CSMD1: variants seen among roughly 807,000 people sequenced by gnomAD.
The protein encoded by CSMD1 is CUB and Sushi multiple domains 1.
CSMD1 carries 213 observed loss-of-function variants against 417.5 expected under a neutral mutation model. That is an observed-to-expected ratio of 0.51 (90% CI 0.46 to 0.57). CSMD1 has a LOEUF of 0.57. Ranked by LOEUF, CSMD1 falls within the 20% of genes least tolerant of loss-of-function variation. CSMD1 has a pLI of 0.00. For synonymous variants in CSMD1, 2,862 were observed against 1,736.8 expected (o/e 1.65, Z -16.11); for missense variants, 6,923 against 4,529.7 (o/e 1.53, Z -15.17).
intron 5 of CSMD1, among the ~76,000 whole-genome samples, chr8:3,914,646 C>T (rs1026301934): frequency 6.6e-6 from 1 of 152,142 alleles, no homozygotes; most frequent in Non-Finnish European, 1.5e-5. Context: ...CTCAGATCTC[C>T]ACCTAGTCCA....
chr8:4,491,919 A>T (rs1377055268), intron 2 of CSMD1, among the ~76,000 whole-genome samples: 1 of 152,224 alleles, frequency 6.6e-6, no homozygotes, highest in Non-Finnish European at 1.5e-5. Context: ...ATCTTTACAA[A>T]ATATTTATAG....
intron 3 of CSMD1, among the ~76,000 whole-genome samples, chr8:4,385,591 G>C (rs1263483145): frequency 6.6e-6 from 1 of 152,138 alleles, no homozygotes; most frequent in African/African-American, 2.4e-5. Flanking sequence ...GAGTAAGAAT[G>C]TTATTAATTG....
intron 9 of CSMD1, among the ~76,000 whole-genome samples, chr8:3,577,892 A>G (rs965580030): frequency 2.6e-5 from 4 of 152,164 alleles, no homozygotes; most frequent in Non-Finnish European, 5.9e-5. Flanking sequence ...AATGGCAACT[A>G]CCGTAAGTTC....
At chr8:3,673,629 C>T (rs754401319) in intron 7 of CSMD1, among the ~76,000 whole-genome samples, 2 of 152,192 alleles carry the variant, frequency 1.3e-5, no homozygotes, top group African/African-American at 2.4e-5. Flanking sequence ...TTTGACCTAA[C>T]GGGTGCGGGC....
At chr8:4,628,190 G>C (rs1802234260) in intron 2 of CSMD1, among the ~76,000 whole-genome samples, 1 of 151,058 alleles carries the variant, frequency 6.6e-6, no homozygotes, top group Non-Finnish European at 1.5e-5. Context: ...TTTTCTTGCA[G>C]TTCTATGTTA....
intron 2 of CSMD1, among the ~76,000 whole-genome samples, chr8:4,494,635 C>T (rs1725130): frequency 0.28 from 43,285 of 151,934 alleles, 7,110 homozygotes; most frequent in African/African-American, 0.44. Flanking sequence ...AAGTTCGCTT[C>T]ATCCACATTT....
At chr8:4,430,711 A>G (rs536854100) in intron 2 of CSMD1, among the ~76,000 whole-genome samples, 5 of 152,130 alleles carry the variant, frequency 3.3e-5, no homozygotes, top group African/African-American at 9.7e-5. Context: ...CAAAAAATCT[A>G]AAGAGATTTT....
In CSMD1 at chr8:3,692,596, C is replaced by T. The variant is rs186991708; in HGVS notation, c.1009+15818G>A. ...ATAACAGGCATGTCACCACACACAG[C>T]TAATTTTTGTATTTTTCGTAGAGGT... On this transcript the variant is annotated intron_variant, in intron 7 of 69. Coordinates refer to ENST00000635120, the MANE Select transcript of CSMD1 (RefSeq NM_033225.6). Among the ~76,000 whole-genome samples the T allele has an allele frequency of 9.8e-4, 149 of 152,154 alleles. 1 individual carries two copies. The highest frequency in any genetic ancestry group is 3.5e-3 in the African/African-American group (146 of 41,496).
At chr8:4,495,053 T>A (rs962732930) in intron 2 of CSMD1, among the ~76,000 whole-genome samples, 1 of 152,034 alleles carries the variant, frequency 6.6e-6, no homozygotes, top group African/African-American at 2.4e-5. Context: ...AGAAAAGCAC[T>A]AGGGACAGGG....
intron 12 of CSMD1, among the ~76,000 whole-genome samples, chr8:3,453,908 A>G (rs7005967): frequency 0.072 from 10,907 of 152,102 alleles, 936 homozygotes; most frequent in East Asian, 0.2. Context: ...TGTTGACAGT[A>G]GGGTGTTAAA....
At chr8:3,394,646 G>A (rs972375999) in intron 17 of CSMD1, among the ~76,000 whole-genome samples, 1 of 151,982 alleles carries the variant, frequency 6.6e-6, no homozygotes, top group African/African-American at 2.4e-5. Context: ...GAGGGGTGTG[G>A]GAGAGGATGA....
In CSMD1 at chr8:3,998,092, C is replaced by A. The variant is rs1162758304; in HGVS notation, c.629G>T (p.Gly210Val). The change falls in exon 5 of 70, where the codon GGA (glycine) becomes GTA (valine). Residue 210 changes from glycine to valine, a missense_variant. Physicochemically the swap from Gly to Val is moderately radical, Grantham distance 109. Coordinates refer to ENST00000635120, the MANE Select transcript of CSMD1 (RefSeq NM_033225.6). Reference sequence around the variant, plus strand: ...GGAGCTGCTGGTCCCGCGTAAGGTTCCTCCGCAGGCTCCCTCAGCTGCAGG... The same window carrying A: ...GGAGCTGCTGGTCCCGCGTAAGGTTACTCCGCAGGCTCCCTCAGCTGCAGG... ...PFCRAEGACG[G>V]TLRGTSSSIS... The A allele has an allele frequency of 1.3e-6, 2 of 1,574,770 alleles. No individual in the cohort carries two copies. The highest frequency in any genetic ancestry group is 1.4e-5 in the African/African-American group (1 of 74,062).
At chr8:4,402,820 T>TTTTTTTTTTTTTTTTTTG (rs1804738045) in intron 3 of CSMD1, among the ~76,000 whole-genome samples, 1 of 64,426 alleles carries the variant, frequency 1.6e-5, no homozygotes, top group Non-Finnish European at 3.1e-5. Context: ...TTTTTTTTTT[T>TTTTTTTTTTTTTTTTTTG]CTTTTTTTTT....
chr8:4,646,092 C>G (rs1803500345), intron 1 of CSMD1, among the ~76,000 whole-genome samples: 1 of 152,216 alleles, frequency 6.6e-6, no homozygotes, highest in African/African-American at 2.4e-5. Flanking sequence ...TGAGTCTTCG[C>G]TTCAGAGACT....
intron 11 of CSMD1, among the ~76,000 whole-genome samples, chr8:3,490,496 C>A (rs568217215): frequency 6.6e-6 from 1 of 152,280 alleles, no homozygotes; most frequent in East Asian, 1.9e-4. Context: ...GTGACATCCT[C>A]TCTTAAATTA....
rs918912394 is a variant in CSMD1, at chr8:4,655,185, A to G, written c.86-17627T>C. Among the ~76,000 whole-genome samples, 57 of 152,096 alleles carry G rather than the reference A, an allele frequency of 3.7e-4. 1 individual carries two copies. The highest frequency in any genetic ancestry group is 1.4e-3 in the African/African-American group (57 of 41,338). On this transcript the variant is annotated intron_variant, in intron 1 of 69. Transcript: ENST00000635120. ...CCAAAATGTTATTCCTTAAATACAGATAATTACCTTTTTCATGAACTTCGT... is the reference window on the plus strand; with the variant it reads ...CCAAAATGTTATTCCTTAAATACAGGTAATTACCTTTTTCATGAACTTCGT...
chr8:3,186,057 C>G (rs1327855946), intron 36 of CSMD1, among the ~76,000 whole-genome samples: 2 of 149,680 alleles, frequency 1.3e-5, no homozygotes, highest in Admixed American at 1.3e-4. Context: ...AAAAGTGTGA[C>G]TTTTTTCCCT....
chr8:4,384,738 T>C (rs552347143), intron 3 of CSMD1, among the ~76,000 whole-genome samples: 67 of 152,316 alleles, frequency 4.4e-4, no homozygotes, highest in Middle Eastern at 6.8e-3. Context: ...TGGAGCAATG[T>C]TGTGCCACTT....
At chr8:3,750,035 T>A (rs1797255980) in intron 6 of CSMD1, among the ~76,000 whole-genome samples, 1 of 152,156 alleles carries the variant, frequency 6.6e-6, no homozygotes, top group African/African-American at 2.4e-5. Context: ...ATATAGTCAT[T>A]ATTGAGTTCT....
Sources: gnomAD v4.1 joint callset for allele counts (sites outside exome capture counted in the v4.1 genomes callset) on GRCh38, gnomAD v4.1.1 for gene constraint, MANE v1.5 for transcripts, NCBI Gene and HGNC (gene_info 2026-07-23, HGNC 2026-07-21) for gene names.